NISCH: variants seen among roughly 807,000 people sequenced by gnomAD.
NISCH encodes the protein I-1 receptor candidate protein.
In NISCH, 55 loss-of-function variants were observed where a neutral mutation model predicts 138.4. That is an observed-to-expected ratio of 0.40 (90% confidence interval 0.32 to 0.50). NISCH has a LOEUF of 0.50. Among genes scored for constraint, NISCH ranks in the 20% least tolerant of loss-of-function variants. The probability of loss-of-function intolerance (pLI) is 0.71; values close to 1 mark genes in which losing one functional copy is unlikely to be tolerated. For missense variants in NISCH, 1,643 were observed against 2,005.5 expected (o/e 0.82, Z 3.45); for synonymous variants, 860 against 861.5 (o/e 1.00, Z 0.03).
chr3:52,481,843 C>A (rs910894598), intron 13 of NISCH: 70 of 985,388 alleles, frequency 7.1e-5, no homozygotes, highest in Non-Finnish European at 8.4e-5. Flanking sequence ...AGTCTGTCCC[C>A]GCCATCGCTG....
chr3:52,474,426 AGCTGGGACTACAGGT>A (rs1487282297), intron 7 of NISCH, among the ~76,000 whole-genome samples: 1 of 152,010 alleles, frequency 6.6e-6, no homozygotes, highest in Non-Finnish European at 1.5e-5. Context: ...CCTCCCAAGT[AGCTGGGACTACAGGT>A]GCCCGCCACC....
chr3:52,476,530 C>T lies in NISCH; in HGVS notation c.849C>T (p.Ile283=), dbSNP rs142571978. 69 of 1,614,122 alleles carry T rather than the reference C, an allele frequency of 4.3e-5. No individual in the cohort carries two copies. The Admixed American group carries it at 9.7e-4, about 23-fold the overall frequency. The change falls in exon 8 of 21, where the codon ATC becomes ATT. Residue 283 remains isoleucine, a synonymous_variant. Transcript: ENST00000345716. ...TAGAAGGCCCTGTGACTGCCGTCAT[C>T]CCCACTTGGCAGGCATTGACCACGC... ...TTLEGPVTAV[I]PTWQALTTLD... is the part of the protein sequence containing the mutation.
rs1409804394 is a variant in NISCH, at chr3:52,471,905, G to A, written c.501G>A (p.Thr167=). 5 of 1,612,962 alleles carry A rather than the reference G, an allele frequency of 3.1e-6. No homozygotes were observed. The highest frequency in any genetic ancestry group is 2.7e-5 in the African/African-American group (2 of 74,914). Reference sequence around the variant, plus strand: ...AGCAGCTGCAGCAGGGAAAGCCCACGTGCGCCAGTGGGGATGCCAAGACCG... The same window carrying A: ...AGCAGCTGCAGCAGGGAAAGCCCACATGCGCCAGTGGGGATGCCAAGACCG... ...VTEQLQQGKP[T]CASGDAKTDL... The change falls in exon 5 of 21, where the codon ACG becomes ACA. Residue 167 remains threonine, a synonymous_variant. Coordinates refer to ENST00000345716, the MANE Select transcript of NISCH (RefSeq NM_007184.4).
intron 15 of NISCH, among the ~76,000 whole-genome samples, chr3:52,486,137 T>A (rs1012013978): frequency 2.6e-5 from 4 of 152,164 alleles, no homozygotes; most frequent in African/African-American, 9.7e-5. Flanking sequence ...TGAGACTGAG[T>A]CTCGCTCTGT....
chr3:52,490,849 T>C lies in NISCH; in HGVS notation c.3742+16T>C. On this transcript the variant is annotated intron_variant, in intron 19 of 20. Coordinates refer to ENST00000345716, the MANE Select transcript of NISCH (RefSeq NM_007184.4). Reference sequence around the variant, plus strand: ...CGGCTGACGGGTGGGTGACCCTCTGTGCTTTGTCCTATTTCGGGTGAAGGC... The same window carrying C: ...CGGCTGACGGGTGGGTGACCCTCTGCGCTTTGTCCTATTTCGGGTGAAGGC... The C allele has an allele frequency of 6.2e-7, 1 of 1,613,886 alleles. No individual in the cohort carries two copies. The highest frequency in any genetic ancestry group is 8.5e-7 in the Non-Finnish European group (1 of 1,179,832).
intron 3 of NISCH, among the ~76,000 whole-genome samples, chr3:52,469,059 G>C (rs760026623): frequency 1.3e-5 from 2 of 152,112 alleles, no homozygotes; most frequent in Non-Finnish European, 2.9e-5. Flanking sequence ...AGATAAGAAA[G>C]AGACAAACAA....
intron 3 of NISCH, among the ~76,000 whole-genome samples, chr3:52,469,384 G>A (rs763810412): frequency 2.6e-5 from 4 of 152,266 alleles, no homozygotes; most frequent in Non-Finnish European, 5.9e-5. Flanking sequence ...GGGCTTGAGT[G>A]TGGCTTTGCT....
chr3:52,484,507 C>T lies in NISCH; in HGVS notation c.1529-6C>T, dbSNP rs560401892. The T allele has an allele frequency of 6.8e-7, 1 of 1,467,342 alleles. No homozygotes were observed. The highest frequency in any genetic ancestry group is 1.8e-5 in the Admixed American group (1 of 54,266). The allele number at this position is 1,467,342 out of a possible 1,614,324, so 90.9% of individuals were successfully genotyped here. A position where few individuals can be genotyped will look rare whatever the true frequency, so the allele number is the denominator to read the frequency against. On this transcript the variant is annotated splice_polypyrimidine_tract_variant and splice_region_variant and intron_variant, in intron 13 of 20. Coordinates refer to ENST00000345716, the MANE Select transcript of NISCH (RefSeq NM_007184.4). The stretch of plus-strand genomic sequence containing the variant: ...CCTGCCTGCCCACCCGCCCTGGTCT[C>T]TCCAGGAATCATGTTCGTTCAGGAG...
Position 52,487,703 on chromosome 3 carries a change from A to C in NISCH, c.2211A>C (p.Ala737=). Residue 737 remains alanine (A), a synonymous_variant, in exon 16 of 21, where the codon GCA becomes GCC. Coordinates refer to ENST00000345716, the MANE Select transcript of NISCH (RefSeq NM_007184.4). The surrounding 1 kb of genome is among the most constrained non-coding windows in gnomAD (Gnocchi z 9.1). ...ACLVLTDFGI[A]VFEIPHQESR... Reference sequence around the variant, plus strand: ...TTGTGCTCACCGACTTCGGCATCGCAGTCTTCGAGATCCCGCACCAGGAGT... The same window carrying C: ...TTGTGCTCACCGACTTCGGCATCGCCGTCTTCGAGATCCCGCACCAGGAGT... 1.2e-6 allele frequency: 2 copies of C among 1,613,438 alleles called. No individual in the cohort carries two copies. Among genetic ancestry groups the C allele is most frequent in the South Asian group, 1.1e-5 (1 of 91,054 alleles).
At chr3:52,474,293 G>T (rs557372378) in intron 7 of NISCH, among the ~76,000 whole-genome samples, 25 of 149,672 alleles carry the variant, frequency 1.7e-4, no homozygotes, top group East Asian at 5.9e-4. Flanking sequence ...TTTGTTTTTT[G>T]TTGTTGTTGT....
intron 1 of NISCH, among the ~76,000 whole-genome samples, chr3:52,456,752 G>A (rs905497503): frequency 1.3e-5 from 2 of 152,248 alleles, no homozygotes; most frequent in African/African-American, 4.8e-5. Flanking sequence ...GGATCTTGAA[G>A]CAACAGGCCA....
At chr3:52,482,173 G>A (rs1045745703) in intron 13 of NISCH, among the ~76,000 whole-genome samples, 3 of 152,158 alleles carry the variant, frequency 2.0e-5, no homozygotes, top group South Asian at 2.1e-4. Context: ...TTTTTCAGCC[G>A]CGTGTTCCTG....
intron 14 of NISCH, 32 bp from the exon 15 acceptor site, chr3:52,485,746 G>T: frequency 6.4e-7 from 1 of 1,563,532 alleles, no homozygotes; most frequent in African/African-American, 1.4e-5. Flanking sequence ...GCTGCAGTAG[G>T]TGGGGACTGA....
At chr3:52,484,462 T>TTGGCCGCCCCCCC in intron 13 of NISCH, 51 bp from the exon 14 acceptor site, 2 of 788,670 alleles carry the variant, frequency 2.5e-6, no homozygotes, top group Non-Finnish European at 1.8e-6. Flanking sequence ...ACAGCCGCTC[T>TTGGCCGCCCCCCC]CCCCGCCCCA....
chr3:52,460,722 A>G (rs1465488473), intron 3 of NISCH, among the ~76,000 whole-genome samples: 3 of 152,176 alleles, frequency 2.0e-5, no homozygotes, highest in African/African-American at 4.8e-5. Flanking sequence ...TCATTTTTAC[A>G]AAAAACAAGT....
At position 52,479,841 on chromosome 3, in the gene NISCH, A is replaced by G. The variant is rs1412894228; in HGVS notation, c.1395A>G (p.Lys465=). 2.5e-6 allele frequency: 4 copies of G among 1,613,440 alleles called. No individual in the cohort carries two copies. In the South Asian group the frequency reaches 3.3e-5, roughly 13 times the overall value. ...AGAAAGCCAAGGAGGTCAAGTCCAA[A>G]CTGAGCAACCCAGAGAAGAAGGTGG... ...AIQKAKEVKS[K]LSNPEKKGGE... is the part of the protein sequence containing the mutation. The change falls in exon 12 of 21, where the codon AAA becomes AAG. Residue 465 remains lysine (K), a synonymous_variant. Coordinates refer to ENST00000345716, the MANE Select transcript of NISCH (RefSeq NM_007184.4).
intron 3 of NISCH, among the ~76,000 whole-genome samples, chr3:52,466,176 G>T (rs1706774509): frequency 1.3e-5 from 2 of 152,158 alleles, no homozygotes; most frequent in Non-Finnish European, 2.9e-5. Context: ...TAAAGCTGAG[G>T]TTTGAATCCA....
rs145748458 is a variant in NISCH, at chr3:52,487,695, G to A, written c.2203G>A (p.Gly735Ser). The change falls in exon 16 of 21, where the codon GGC becomes AGC. Residue 735 changes from glycine (G) to serine (S), a missense_variant. Coordinates refer to ENST00000345716, the MANE Select transcript of NISCH (RefSeq NM_007184.4). This position sits in a 1 kb window ranked among gnomAD's most constrained non-coding sequence, Gnocchi z 9.1. ...FAACLVLTDFGIAVFEIPHQE... is the reference protein window; with the variant it reads ...FAACLVLTDFSIAVFEIPHQE... Reference sequence around the variant, plus strand: ...CGCCTGCCTTGTGCTCACCGACTTCGGCATCGCAGTCTTCGAGATCCCGCA... The same window carrying A: ...CGCCTGCCTTGTGCTCACCGACTTCAGCATCGCAGTCTTCGAGATCCCGCA... 1.9e-4 allele frequency: 308 copies of A among 1,613,548 alleles called. No homozygotes were observed. The highest frequency in any genetic ancestry group is 2.5e-4 in the Non-Finnish European group (293 of 1,180,004).
intron 3 of NISCH, among the ~76,000 whole-genome samples, chr3:52,467,735 G>A (rs1706828373): frequency 6.6e-6 from 1 of 152,234 alleles, no homozygotes; most frequent in African/African-American, 2.4e-5. Context: ...AACTTTCCAT[G>A]TGTTCCAGAA....
Sources: allele counts gnomAD v4.1 joint callset (sites outside exome capture counted in the v4.1 genomes callset), GRCh38; gene constraint gnomAD v4.1.1; non-coding constraint Gnocchi (gnomAD v3.1); transcripts MANE v1.5; gene names NCBI Gene and HGNC (gene_info 2026-07-23, HGNC 2026-07-21).